MTURN: variants seen among roughly 807,000 people sequenced by gnomAD.
MTURN encodes maturin, neural progenitor differentiation regulator homolog.
A neutral mutation model predicts 14.9 loss-of-function variants in MTURN; 7 were observed. That is an observed-to-expected ratio of 0.47 (90% CI 0.27 to 0.88). The LOEUF (loss-of-function observed/expected upper bound fraction) is 0.88, where lower values mean the gene tolerates loss of function less well. Ranked by LOEUF, MTURN falls within the 40% of genes least tolerant of loss-of-function variation. The pLI is 0.14. For missense variants in MTURN, 151 were observed against 174.1 expected, an observed-to-expected ratio of 0.87 and a Z score of 0.75; for synonymous variants, 69 against 72.5, an observed-to-expected ratio of 0.95 and a Z score of 0.25.
Position 30,135,217 on chromosome 7 carries a change from C to G in MTURN, c.81C>G (p.Thr27=), listed in dbSNP as rs1433459124. 6.6e-7 allele frequency: 1 copy of G among 1,518,134 alleles called. No homozygotes were observed. The allele number at this position is 1,518,134 out of a possible 1,614,324, so 94.0% of individuals were successfully genotyped here. ...TCGAGCTCATCGCCACCGAGGAGACCGAACGCAGGATGGATTTCTACGCCG... is the reference window on the plus strand; with the variant it reads ...TCGAGCTCATCGCCACCGAGGAGACGGAACGCAGGATGGATTTCTACGCCG... ...TPFELIATEE[T]ERRMDFYADP... Residue 27 remains threonine, a synonymous_variant, in exon 1 of 3, where the codon ACC becomes ACG. Coordinates refer to ENST00000324453, the MANE Select transcript of MTURN (RefSeq NM_152793.3).
intron 1 of MTURN, 109 bp downstream of exon 1, chr7:30,135,407 G>C: frequency 1.0e-6 from 1 of 981,924 alleles, no homozygotes. Flanking sequence ...CAGAGTGGGG[G>C]GCCGTAACCC....
intron 1 of MTURN, among the ~76,000 whole-genome samples, chr7:30,139,371 G>A (rs1228083039): frequency 6.6e-6 from 1 of 151,816 alleles, no homozygotes; most frequent in Non-Finnish European, 1.5e-5. Flanking sequence ...AGAAACTGAG[G>A]CATGGCAAAC....
At chr7:30,146,097 G>C (rs1562568955) in intron 1 of MTURN, 80 bp from the exon 2 acceptor site, 2 of 1,601,902 alleles carry the variant, frequency 1.2e-6, no homozygotes, top group Non-Finnish European at 1.7e-6. Flanking sequence ...AAGAAAATCT[G>C]CTTGGCTTTT....
Position 30,140,262 on chromosome 7 carries a change from T to C in MTURN, c.162+4964T>C, listed in dbSNP as rs548719583. Reference sequence around the variant, plus strand: ...CCTTTCCTGTCAGCCCAAAGACACGTTGGACTCTAAAATTTTGTATAGTTT... The same window carrying C: ...CCTTTCCTGTCAGCCCAAAGACACGCTGGACTCTAAAATTTTGTATAGTTT... On this transcript the variant is annotated intron_variant, in intron 1 of 2. Coordinates refer to ENST00000324453, the MANE Select transcript of MTURN (RefSeq NM_152793.3). 1.2e-3 allele frequency among the ~76,000 whole-genome samples: 182 copies of C among 152,224 alleles called. 1 individual carries two copies. Among genetic ancestry groups the C allele is most frequent in the African/African-American group, 4.2e-3 (173 of 41,540 alleles).
In MTURN at chr7:30,135,187, G is replaced by C; in HGVS notation, c.51G>C (p.Thr17=). ...ADVAEKWCSN[T]PFELIATEET... ...TTGCGGAGAAATGGTGCTCCAACAC[G>C]CCCTTCGAGCTCATCGCCACCGAGG... The change falls in exon 1 of 3, where the codon ACG becomes ACC. Residue 17 remains threonine, a synonymous_variant. Transcript: ENST00000324453. 6.7e-7 allele frequency: 1 copy of C among 1,497,040 alleles called. No individual in the cohort carries two copies. Among genetic ancestry groups the C allele is most frequent in the Non-Finnish European group, 8.9e-7 (1 of 1,120,224 alleles). The allele number at this position is 1,497,040 out of a possible 1,614,324, so 92.7% of individuals were successfully genotyped here.
intron 1 of MTURN, among the ~76,000 whole-genome samples, chr7:30,136,155 C>T (rs991430313): frequency 2.0e-5 from 3 of 152,330 alleles, no homozygotes; most frequent in South Asian, 2.1e-4. Context: ...AGCCCGTTGG[C>T]TTTTCCAGAT....
At chr7:30,137,733 C>G (rs1192837152) in intron 1 of MTURN, 1 of 458,828 alleles carries the variant, frequency 2.2e-6, no homozygotes, top group Admixed American at 2.5e-5. Flanking sequence ...AAGTGTCCTG[C>G]CTTAGTTCTT....
intron 1 of MTURN, among the ~76,000 whole-genome samples, chr7:30,138,312 G>A (rs1356972496): frequency 6.6e-6 from 1 of 152,010 alleles, no homozygotes; most frequent in Non-Finnish European, 1.5e-5. Flanking sequence ...ACAGGGTTTT[G>A]TTACGTTACT....
intron 1 of MTURN, among the ~76,000 whole-genome samples, chr7:30,143,921 C>CT (rs1351384880): frequency 6.6e-6 from 1 of 152,248 alleles, no homozygotes; most frequent in African/African-American, 2.4e-5. Context: ...CCCAGATGTA[C>CT]TTACTTTTTA....
In MTURN at chr7:30,137,668, G is replaced by A. The variant is rs145361777; in HGVS notation, c.162+2370G>A. On this transcript the variant is annotated intron_variant, in intron 1 of 2. Coordinates refer to ENST00000324453, the MANE Select transcript of MTURN (RefSeq NM_152793.3). ...GCCAACCTCGGGAGTTTTCCTAGCC[G>A]GACCTCTTGAATCTGTCCCAGGCCA... 1,074 of 471,152 alleles carry A rather than the reference G, an allele frequency of 2.3e-3. 11 individuals carry two copies. The highest frequency in any genetic ancestry group is 0.019 in the African/African-American group (937 of 50,174). The allele number at this position is 471,152 out of a possible 1,614,324, so 29.2% of individuals were successfully genotyped here.
In MTURN at chr7:30,162,509, T is replaced by C. The variant is rs1376343604; in HGVS notation, c.*4961T>C. ...TTTGGTTGTTGTTTTTTTTTTTTTT[T>C]AGGCAAGAAGTGTTGCCGGTAGGGT... is the stretch of plus-strand genomic sequence containing the variant. On this transcript the variant is annotated 3_prime_UTR_variant, in exon 3 of 3. Transcript: ENST00000324453. 1.3e-5 allele frequency: 2 copies of C among 149,056 alleles called. No individual in the cohort carries two copies. The highest frequency in any genetic ancestry group is 3.0e-5 in the Non-Finnish European group (2 of 67,282). The allele number at this position is 149,056 out of a possible 1,614,324, so 9.2% of individuals were successfully genotyped here.
chr7:30,135,090 T>C lies in MTURN; in HGVS notation c.-47T>C, dbSNP rs1288419747. 2.9e-6 allele frequency: 4 copies of C among 1,364,824 alleles called. No individual in the cohort carries two copies. Among genetic ancestry groups the C allele is most frequent in the Non-Finnish European group, 3.8e-6 (4 of 1,041,652 alleles). 84.5% of individuals were successfully genotyped at this position (1,364,824 alleles called of 1,614,324 possible). On this transcript the variant is annotated 5_prime_UTR_variant, in exon 1 of 3. Transcript: ENST00000324453. ...GCTGCCCGCCCGGGAGGAGGGCGCC[T>C]AGGAGCGGGAGGGCGGGCGGCGGCG...
Position 30,162,046 on chromosome 7 carries a change from A to G in MTURN, c.*4498A>G, listed in dbSNP as rs1797381877. ...TTATATTTTTATTTAAATCTGGATT[A>G]CGAAAATATAGTACCCATGAGCATT... On this transcript the variant is annotated 3_prime_UTR_variant, in exon 3 of 3. Transcript: ENST00000324453. 6.6e-6 allele frequency: 1 copy of G among 152,024 alleles called. No homozygotes were observed. Among genetic ancestry groups the G allele is most frequent in the Non-Finnish European group, 1.5e-5 (1 of 67,990 alleles). The allele number at this position is 152,024 out of a possible 1,614,324, so 9.4% of individuals were successfully genotyped here. A position where few individuals can be genotyped will look rare whatever the true frequency, so the allele number is the denominator to read the frequency against.
chr7:30,156,828 A>G (rs1797295392), intron 2 of MTURN, among the ~76,000 whole-genome samples: 1 of 152,144 alleles, frequency 6.6e-6, no homozygotes, highest in Non-Finnish European at 1.5e-5. Context: ...CCTCTCAAAA[A>G]AAAAAAACTC....
chr7:30,149,013 CTG>C (rs1361731644), intron 2 of MTURN, among the ~76,000 whole-genome samples: 1 of 152,118 alleles, frequency 6.6e-6, no homozygotes, highest in African/African-American at 2.4e-5. Flanking sequence ...TGGGTGTCGT[CTG>C]TGGTGGCAGG....
At chr7:30,153,335 A>G (rs1002237616) in intron 2 of MTURN, among the ~76,000 whole-genome samples, 2 of 152,168 alleles carry the variant, frequency 1.3e-5, no homozygotes, top group Non-Finnish European at 2.9e-5. Flanking sequence ...GGTGCTTTCT[A>G]TCCATGCTTC....
chr7:30,136,144 A>G (rs1796956386), intron 1 of MTURN, among the ~76,000 whole-genome samples: 1 of 152,094 alleles, frequency 6.6e-6, no homozygotes, highest in African/African-American at 2.4e-5. Context: ...GGCCCTGCTG[A>G]AGCCCGTTGG....
At chr7:30,140,454 CTA>C (rs1439959085) in intron 1 of MTURN, among the ~76,000 whole-genome samples, 4 of 76,538 alleles carry the variant, frequency 5.2e-5, no homozygotes, top group Non-Finnish European at 9.1e-5. Context: ...TTATTATTAA[CTA>C]TGTGATCAAA....
At chr7:30,153,172 G>A (rs1296130824) in intron 2 of MTURN, among the ~76,000 whole-genome samples, 2 of 152,108 alleles carry the variant, frequency 1.3e-5, no homozygotes, top group Non-Finnish European at 2.9e-5. Flanking sequence ...CAGTCTGTGT[G>A]TACGCCTGTC....
Sources: gnomAD v4.1 joint callset for allele counts (sites outside exome capture counted in the v4.1 genomes callset) on GRCh38, gnomAD v4.1.1 for gene constraint, MANE v1.5 for transcripts, NCBI Gene and HGNC (gene_info 2026-07-23, HGNC 2026-07-21) for gene names.